CTNND2: variants seen among roughly 807,000 people sequenced by gnomAD.
CTNND2 encodes catenin delta-2.
CTNND2 carries 22 observed loss-of-function variants against 144.4 expected under a neutral mutation model. The observed-to-expected ratio is 0.15, with a 90% CI of 0.11 to 0.22. The LOEUF is 0.22. CTNND2 is among the 10% of genes least tolerant of loss of function. The pLI, the probability that CTNND2 is intolerant of heterozygous loss-of-function variation, is 1.00. For synonymous variants in CTNND2, 751 were observed against 695.6 expected (o/e 1.08, Z -1.25); for missense variants, 1,353 against 1,618.8 (o/e 0.84, Z 2.82).
At chr5:11,399,191 T>G (rs989520966) in intron 5 of CTNND2, among the ~76,000 whole-genome samples, 3 of 152,222 alleles carry the variant, frequency 2.0e-5, no homozygotes, top group Non-Finnish European at 4.4e-5. Context: ...CTTTCTTTTT[T>G]GTACAGTCTA....
intron 18 of CTNND2, among the ~76,000 whole-genome samples, chr5:10,994,473 G>C (rs1470823287): frequency 7.5e-6 from 1 of 133,016 alleles, no homozygotes; most frequent in Non-Finnish European, 1.6e-5. Flanking sequence ...GAGGAAGGGG[G>C]GCGGGGAAGG....
rs1366270077 is a variant in CTNND2, at chr5:11,064,253, C to A, written c.2788+18443G>T. Among the ~76,000 whole-genome samples the A allele has an allele frequency of 2.0e-5, 3 of 152,162 alleles. No individual in the cohort carries two copies. In the South Asian group the frequency reaches 6.2e-4, roughly 32 times the overall value. On this transcript the variant is annotated intron_variant, in intron 16 of 21. Transcript: ENST00000304623. The stretch of plus-strand genomic sequence containing the variant: ...CAAGTTGTCGGGCTATTTTTATGCA[C>A]ATATTTGAGCTCCCTCTTTTCTGTG...
At chr5:10,994,489 C>T (rs892566030) in intron 18 of CTNND2, among the ~76,000 whole-genome samples, 2 of 16,360 alleles carry the variant, frequency 1.2e-4, no homozygotes, top group South Asian at 2.1e-3. Flanking sequence ...GAAGGAGGGG[C>T]GGGGTGGGTA....
At chr5:11,046,959 G>A (rs1370034039) in intron 16 of CTNND2, among the ~76,000 whole-genome samples, 1 of 152,220 alleles carries the variant, frequency 6.6e-6, no homozygotes, top group Non-Finnish European at 1.5e-5. Flanking sequence ...GTCCTTGACA[G>A]CCACAGAAAG....
chr5:11,210,323 A>G (rs950651683), intron 10 of CTNND2, among the ~76,000 whole-genome samples: 2 of 152,170 alleles, frequency 1.3e-5, no homozygotes, highest in African/African-American at 4.8e-5. Flanking sequence ...ATTTGAGCCC[A>G]GGGGGCAGAG....
chr5:11,500,551 A>G (rs1770435803), intron 3 of CTNND2, among the ~76,000 whole-genome samples: 1 of 152,248 alleles, frequency 6.6e-6, no homozygotes, highest in Admixed American at 6.5e-5. Context: ...ACAAACTAAC[A>G]ACAGCACCAA....
At chr5:11,316,277 G>C (rs1012323389) in intron 9 of CTNND2, among the ~76,000 whole-genome samples, 3 of 151,980 alleles carry the variant, frequency 2.0e-5, no homozygotes, top group African/African-American at 7.2e-5. Context: ...CCAGGCTGGA[G>C]TGTAGTGGTG....
At chr5:11,631,239 G>A (rs1229811840) in intron 2 of CTNND2, among the ~76,000 whole-genome samples, 1 of 152,054 alleles carries the variant, frequency 6.6e-6, no homozygotes, top group Non-Finnish European at 1.5e-5. Context: ...AAGTTTTAAA[G>A]GATCTTTCCA....
intron 1 of CTNND2, among the ~76,000 whole-genome samples, chr5:11,803,103 C>T (rs150505348): frequency 1.1e-3 from 166 of 152,164 alleles, no homozygotes; most frequent in African/African-American, 3.9e-3. Context: ...GGGTGGATCA[C>T]GAGGTCAGGA....
chr5:11,188,905 G>T (rs1447370833), intron 11 of CTNND2, among the ~76,000 whole-genome samples: 1 of 152,162 alleles, frequency 6.6e-6, no homozygotes, highest in East Asian at 1.9e-4. Context: ...ATTCTAAGTA[G>T]TAAATTTCTA....
intron 9 of CTNND2, among the ~76,000 whole-genome samples, chr5:11,326,053 C>T (rs148537772): frequency 7.2e-5 from 11 of 152,266 alleles, no homozygotes; most frequent in African/African-American, 2.2e-4. Context: ...GCCACCTCTT[C>T]GTGAATTTTC....
chr5:11,391,682 G>A (rs751051374), intron 6 of CTNND2, among the ~76,000 whole-genome samples: 4 of 152,212 alleles, frequency 2.6e-5, no homozygotes, highest in African/African-American at 9.7e-5. Flanking sequence ...AAATCATCCA[G>A]GGCCTTGTTT....
At chr5:11,872,810 A>G (rs1345298046) in intron 1 of CTNND2, among the ~76,000 whole-genome samples, 1 of 152,118 alleles carries the variant, frequency 6.6e-6, no homozygotes, top group African/African-American at 2.4e-5. Flanking sequence ...TATGCAGAAA[A>G]CTGAAACTGG....
chr5:11,350,835 T>C (rs1755259243), intron 8 of CTNND2, among the ~76,000 whole-genome samples: 1 of 152,232 alleles, frequency 6.6e-6, no homozygotes, highest in Non-Finnish European at 1.5e-5. Context: ...TACCTTACTT[T>C]GTAAAAGTAT....
At position 11,288,581 on chromosome 5, in the gene CTNND2, T is replaced by C. The variant is rs182811692; in HGVS notation, c.1629-51758A>G. 1.2e-4 allele frequency among the ~76,000 whole-genome samples: 19 copies of C among 152,268 alleles called. No homozygotes were observed. In the East Asian group the frequency reaches 2.3e-3, roughly 19 times the overall value. On this transcript the variant is annotated intron_variant, in intron 9 of 21. Coordinates refer to ENST00000304623, the MANE Select transcript of CTNND2 (RefSeq NM_001332.4). ...TTGATATATCTAGCTCTGTCTTCCA[T>C]AGCTTTGGACAAACTAATGGGGGAA... is the stretch of plus-strand genomic sequence containing the variant.
At chr5:11,203,431 T>C (rs988426825) in intron 10 of CTNND2, among the ~76,000 whole-genome samples, 1 of 151,878 alleles carries the variant, frequency 6.6e-6, no homozygotes, top group Admixed American at 6.6e-5. Context: ...TGCAAAATTG[T>C]TTTTGTTTTG....
At chr5:11,102,974 T>C (rs1051189566) in intron 14 of CTNND2, among the ~76,000 whole-genome samples, 1 of 77,964 alleles carries the variant, frequency 1.3e-5, no homozygotes, top group African/African-American at 3.9e-5. Flanking sequence ...TAAAAGATTT[T>C]TTTTTTTTTT....
At chr5:11,304,561 A>G (rs1016703439) in intron 9 of CTNND2, among the ~76,000 whole-genome samples, 1 of 152,192 alleles carries the variant, frequency 6.6e-6, no homozygotes, top group African/African-American at 2.4e-5. Flanking sequence ...TACAAATATA[A>G]AATCAGGTTT....
intron 3 of CTNND2, among the ~76,000 whole-genome samples, chr5:11,502,287 T>C (rs1466349621): frequency 4.6e-5 from 7 of 152,162 alleles, no homozygotes; most frequent in Admixed American, 4.6e-4. Context: ...GTGCTGTGCA[T>C]TTTTCTAGGT....
Sources: allele counts gnomAD v4.1 joint callset (sites outside exome capture counted in the v4.1 genomes callset), GRCh38; gene constraint gnomAD v4.1.1; transcripts MANE v1.5; gene names NCBI Gene and HGNC (gene_info 2026-07-23, HGNC 2026-07-21).